The following DOP1A variants were observed in gnomAD, a reference collection of about 807,000 sequenced individuals.
DOP1A encodes DOP1 leucine zipper like protein A.
DOP1A carries 90 observed loss-of-function variants against 267.6 expected under a neutral mutation model. The ratio of observed to expected loss-of-function variants is 0.34; its 90% CI spans 0.28 to 0.40. The LOEUF (loss-of-function observed/expected upper bound fraction) is 0.40. Ranked by LOEUF, DOP1A falls within the 10% of genes least tolerant of loss-of-function variation. The pLI, the probability that DOP1A is intolerant of heterozygous loss-of-function variation, is 1.00. For synonymous variants in DOP1A, 932 were observed against 999.1 expected, an observed-to-expected ratio of 0.93 and a Z score of 1.27; for missense variants, 2,437 against 2,900.4, an observed-to-expected ratio of 0.84 and a Z score of 3.67.
rs1022201567 is a variant in DOP1A at position 83,164,812 on chromosome 6, G to C, written c.7092+1893G>C. 6.1e-6 allele frequency: 6 copies of C among 983,218 alleles called. No homozygotes were observed. In the East Asian group the frequency reaches 8.0e-5, roughly 13 times the overall value. 60.9% of individuals were successfully genotyped at this position (983,218 alleles called of 1,614,324 possible). A position where few individuals can be genotyped will look rare whatever the true frequency, so the allele number is the denominator to read the frequency against. ...GGTCTGAATGTCAACAAGTACAAGG[G>C]AGGTAAACAGGAAGGAAGTCTTTTT... On this transcript the variant is annotated intron_variant, in intron 38 of 38. Coordinates refer to ENST00000349129, the MANE Select transcript of DOP1A (RefSeq NM_015018.4).
At chr6:83,148,298 G>A (rs1780939486) in intron 26 of DOP1A, among the ~76,000 whole-genome samples, 1 of 152,108 alleles carries the variant, frequency 6.6e-6, no homozygotes, top group Admixed American at 6.5e-5. Flanking sequence ...TGTAGTCCCA[G>A]CTACTCAGGA....
At chr6:83,123,509 C>T (rs1252790291) in intron 12 of DOP1A, among the ~76,000 whole-genome samples, 2 of 152,040 alleles carry the variant, frequency 1.3e-5, no homozygotes, top group East Asian at 1.9e-4. Flanking sequence ...AGACCAGATC[C>T]TCTCAACCAG....
At chr6:83,143,659 T>G (rs1159306075) in intron 24 of DOP1A, among the ~76,000 whole-genome samples, 1 of 152,112 alleles carries the variant, frequency 6.6e-6, no homozygotes, top group Non-Finnish European at 1.5e-5. Context: ...GCAATATTTT[T>G]AGGAGGGTTG....
chr6:83,115,756 T>C (rs1775329777), intron 7 of DOP1A, among the ~76,000 whole-genome samples: 1 of 152,080 alleles, frequency 6.6e-6, no homozygotes, highest in South Asian at 2.1e-4. Flanking sequence ...AATACATTGC[T>C]AACAACTATA....
At chr6:83,071,779 T>C (rs1032293575) in intron 1 of DOP1A, among the ~76,000 whole-genome samples, 1 of 152,230 alleles carries the variant, frequency 6.6e-6, no homozygotes, top group African/African-American at 2.4e-5. Flanking sequence ...CTTTATTTTT[T>C]CAAAAATGTT....
intron 6 of DOP1A, among the ~76,000 whole-genome samples, chr6:83,111,350 T>C (rs1292115326): frequency 1.3e-5 from 2 of 151,886 alleles, no homozygotes; most frequent in Non-Finnish European, 2.9e-5. Flanking sequence ...GTATGAGTTT[T>C]AGTATGGACA....
At chr6:83,154,085 C>G in intron 32 of DOP1A, 42 bp downstream of exon 32, 1 of 1,612,844 alleles carries the variant, frequency 6.2e-7, no homozygotes, top group South Asian at 1.1e-5. Flanking sequence ...ATGCACCTCA[C>G]AGTCTGATGA....
Position 83,138,231 on chromosome 6 carries a change from A to G in DOP1A, c.4189A>G (p.Ile1397Val). 3 of 1,613,534 alleles carry G rather than the reference A, an allele frequency of 1.9e-6. No homozygotes were observed. The highest frequency in any genetic ancestry group is 2.2e-5 in the East Asian group (1 of 44,860). Residue 1397 changes from isoleucine to valine, a missense_variant, in exon 21 of 39, where the codon ATA becomes GTA. Transcript: ENST00000349129. ...CAAAGCCATCTTGAAAACTAACCCT[A>G]TAGCTTTTGTAAATGCCATTTCAAC... Reference protein sequence around the residue: ...AIKAILKTNPIAFVNAISTTS... With the variant: ...AIKAILKTNPVAFVNAISTTS...
intron 19 of DOP1A, chr6:83,134,540 G>T: frequency 2.8e-6 from 1 of 357,050 alleles, no homozygotes; most frequent in Non-Finnish European, 5.0e-6. Context: ...TCACGTTCCT[G>T]ATAATGTTAG....
At chr6:83,068,194 CGTTG>C (rs1179145180) in intron 1 of DOP1A, among the ~76,000 whole-genome samples, 1 of 152,168 alleles carries the variant, frequency 6.6e-6, no homozygotes, top group Non-Finnish European at 1.5e-5. Context: ...GGAATCGAGG[CGTTG>C]TGCCTTCTCG....
rs199644983 is a variant in DOP1A, at chr6:83,130,360, A to G, written c.2579A>G (p.Asn860Ser). The change falls in exon 17 of 39, where the codon AAT becomes AGT. Residue 860 changes from asparagine to serine, a missense_variant. Transcript: ENST00000349129. ...ATTAGACCTCCCCTCACTCAGGGCAATCTGAGGTACATAGCTGAGAAGACT... is the reference window on the plus strand; with the variant it reads ...ATTAGACCTCCCCTCACTCAGGGCAGTCTGAGGTACATAGCTGAGAAGACT... ...VVIRPPLTQG[N>S]LRYIAEKTEF... The G allele has an allele frequency of 4.3e-6, 7 of 1,613,938 alleles. No individual in the cohort carries two copies. Among genetic ancestry groups the G allele is most frequent in the South Asian group, 3.3e-5 (3 of 91,066 alleles).
intron 38 of DOP1A, chr6:83,167,240 C>G: frequency 1.0e-6 from 1 of 968,354 alleles, no homozygotes; most frequent in Non-Finnish European, 1.2e-6. Flanking sequence ...CACACTAACT[C>G]AATTCCTTTG....
At chr6:83,073,590 G>A (rs1785972772) in intron 1 of DOP1A, among the ~76,000 whole-genome samples, 1 of 152,036 alleles carries the variant, frequency 6.6e-6, no homozygotes, top group African/African-American at 2.4e-5. Flanking sequence ...ATATTATTTG[G>A]GAATAAACTG....
At chr6:83,101,536 T>A (rs973721290) in intron 4 of DOP1A, among the ~76,000 whole-genome samples, 1 of 152,188 alleles carries the variant, frequency 6.6e-6, no homozygotes, top group African/African-American at 2.4e-5. Context: ...TTGACTCTTC[T>A]CCACTTAAAA....
At chr6:83,116,578 G>A (rs1391103629) in intron 7 of DOP1A, among the ~76,000 whole-genome samples, 1 of 152,124 alleles carries the variant, frequency 6.6e-6, no homozygotes, top group South Asian at 2.1e-4. Flanking sequence ...GGGAGGCCTA[G>A]GCAAGCAGAT....
rs1287319545 is a variant in DOP1A, at chr6:83,067,948, C to A, written c.-147+169C>A. ...GCCAGGAGCTGCGAAGCTGGTCGGC[C>A]GCCCTCTGGTTTACGGGGAGTCGGG... On this transcript the variant is annotated intron_variant, in intron 1 of 38. Transcript: ENST00000349129. Among the ~76,000 whole-genome samples, 11 of 152,326 alleles carry A rather than the reference C, an allele frequency of 7.2e-5. No individual in the cohort carries two copies. The East Asian group carries it at 2.1e-3, about 29-fold the overall frequency.
chr6:83,094,532 G>C (rs1159477030), intron 1 of DOP1A, among the ~76,000 whole-genome samples: 1 of 152,162 alleles, frequency 6.6e-6, no homozygotes, highest in East Asian at 1.9e-4. Context: ...AGTGTATGAG[G>C]GTTCCAGTTT....
At position 83,097,032 on chromosome 6, in the gene DOP1A, G is replaced by A. The variant is rs1223894321; in HGVS notation, c.55G>A (p.Ala19Thr). The A allele has an allele frequency of 6.2e-7, 1 of 1,613,962 alleles. No homozygotes were observed. The highest frequency in any genetic ancestry group is 8.5e-7 in the Non-Finnish European group (1 of 1,179,978). Residue 19 changes from alanine to threonine, a missense_variant, in exon 3 of 39, where the codon GCA becomes ACA. This residue lies in a region of DOP1A where 251 missense variants were observed against 359.1 expected (regional missense o/e 0.70). Transcript: ENST00000349129. ...LSDSKYRNYV[A>T]AIDKALKNFE... ...TGACTCCAAATACAGAAACTATGTA[G>A]CAGCAATTGACAAAGCACTAAAGAA... is the stretch of plus-strand genomic sequence containing the variant.
rs770977084 is a variant in DOP1A, at chr6:83,125,173, G to T, written c.1463G>T (p.Arg488Ile). 1 of 1,583,250 alleles carries T rather than the reference G, an allele frequency of 6.3e-7. No homozygotes were observed. Among genetic ancestry groups the T allele is most frequent in the East Asian group, 2.3e-5 (1 of 44,128 alleles). ...FLLDIVSLPT[R>I]SMRVLCQETY... ...TGCTTTCTCATTTTGAAGCCTACTA[G>T]AAGTATGAGGGTGCTGTGTCAGGTA... Residue 488 changes from arginine to isoleucine, a missense_variant, in exon 14 of 39, where the codon AGA (arginine) becomes ATA (isoleucine). Physicochemically the swap from Arg to Ile is moderately conservative, Grantham distance 97. Coordinates refer to ENST00000349129, the MANE Select transcript of DOP1A (RefSeq NM_015018.4).
Sources: gnomAD v4.1 joint callset for allele counts (sites outside exome capture counted in the v4.1 genomes callset) on GRCh38, gnomAD v4.1.1 for gene constraint, gnomAD v4.1.1 regional missense constraint, MANE v1.5 for transcripts, NCBI Gene and HGNC (gene_info 2026-07-23, HGNC 2026-07-21) for gene names.